The following ANGEL2 variants were observed in gnomAD, a reference collection of about 807,000 sequenced individuals.
ANGEL2 encodes RNA 2',3'-cyclic phosphatase ANGEL2.
A neutral mutation model predicts 66.0 loss-of-function variants in ANGEL2; 41 were observed. That is an observed-to-expected ratio of 0.62 (90% CI 0.48 to 0.81). ANGEL2 has a LOEUF of 0.81. ANGEL2 is among the 30% of genes least tolerant of loss of function. The probability of loss-of-function intolerance (pLI) is 0.00; values close to 1 mark genes in which losing one functional copy is unlikely to be tolerated. For synonymous variants in ANGEL2, 208 were observed against 226.5 expected, an observed-to-expected ratio of 0.92 and a Z score of 0.73; for missense variants, 561 against 641.6, an observed-to-expected ratio of 0.87 and a Z score of 1.36.
chr1:213,006,829 G>T, intron 4 of ANGEL2: 1 of 318,224 alleles, frequency 3.1e-6, no homozygotes, highest in Non-Finnish European at 5.7e-6. Flanking sequence ...AAGATTTTTA[G>T]CCAAAATATG....
At chr1:212,996,103 C>G (rs919403068) in intron 8 of ANGEL2, among the ~76,000 whole-genome samples, 8 of 151,876 alleles carry the variant, frequency 5.3e-5, no homozygotes, top group Non-Finnish European at 1.0e-4. Context: ...GTCAGGAGAT[C>G]GAGACCATCC....
In ANGEL2 at chr1:212,997,283, G is replaced by C. The variant is rs1457513050; in HGVS notation, c.1355C>G (p.Ser452Ter). The part of the protein sequence containing the change: ...SSNLQHHFSL[S>*]SVYSHYFPDT... Reference sequence around the variant, plus strand: ...AGGAAAGTAATGTGAATAAACAGATGACAAACTGAAATGGTGCTGTAAATT... The same window carrying C: ...AGGAAAGTAATGTGAATAAACAGATCACAAACTGAAATGGTGCTGTAAATT... The change falls in exon 8 of 9, where the codon TCA becomes TGA. Residue 452 changes from serine to a stop codon, truncating the protein, a stop_gained. Coordinates refer to ENST00000366962, the MANE Select transcript of ANGEL2 (RefSeq NM_144567.5). LOFTEE classifies it high-confidence loss of function. The C allele has an allele frequency of 6.2e-7, 1 of 1,611,496 alleles. No individual in the cohort carries two copies. The highest frequency in any genetic ancestry group is 8.5e-7 in the Non-Finnish European group (1 of 1,178,056).
chr1:213,015,264 G>C (rs750771638), intron 1 of ANGEL2: 2 of 1,106,590 alleles, frequency 1.8e-6, no homozygotes, highest in East Asian at 1.0e-4. Flanking sequence ...TCGGTTCCCG[G>C]GACGGTGCTG....
intron 6 of ANGEL2, 180 bp downstream of exon 6, chr1:213,000,606 T>G: frequency 1.3e-6 from 1 of 766,046 alleles, no homozygotes; most frequent in Non-Finnish European, 1.9e-6. Context: ...CACAGATAAT[T>G]CTGGAAGTTC....
chr1:212,996,622 C>CAAAAAAAAAA (rs1558167053), intron 8 of ANGEL2, among the ~76,000 whole-genome samples: 1 of 22,706 alleles, frequency 4.4e-5, no homozygotes, highest in African/African-American at 1.3e-4. Context: ...GACTCTGTAT[C>CAAAAAAAAAA]CAAAAAAAAA....
chr1:212,995,737 A>C (rs2075975573), intron 8 of ANGEL2, among the ~76,000 whole-genome samples: 1 of 152,224 alleles, frequency 6.6e-6, no homozygotes, highest in Admixed American at 6.5e-5. Flanking sequence ...AGCAGCAGGC[A>C]TATTTTTTGT....
chr1:213,004,865 CAAAAA>C (rs60445711), intron 5 of ANGEL2, among the ~76,000 whole-genome samples, 163 bp downstream of exon 5: 17 of 35,270 alleles, frequency 4.8e-4, no homozygotes, highest in African/African-American at 5.0e-4. Flanking sequence ...GAGACTGTCT[CAAAAA>C]AAAAAAAAAA....
intron 7 of ANGEL2, among the ~76,000 whole-genome samples, chr1:212,999,090 T>C (rs984847236): frequency 6.6e-6 from 1 of 151,670 alleles, no homozygotes; most frequent in African/African-American, 2.4e-5. Flanking sequence ...GCCAGACTGC[T>C]CTTGAACTCC....
At chr1:213,014,920 A>T (rs2076599772) in intron 1 of ANGEL2, among the ~76,000 whole-genome samples, 1 of 152,234 alleles carries the variant, frequency 6.6e-6, no homozygotes, top group Non-Finnish European at 1.5e-5. Flanking sequence ...GTAATTTCTA[A>T]ATACTTATGT....
At chr1:213,015,244 C>A in intron 1 of ANGEL2, 1 of 1,079,056 alleles carries the variant, frequency 9.3e-7, no homozygotes, top group Non-Finnish European at 1.1e-6. Flanking sequence ...GGCGGCCTCC[C>A]CGCCGACGCT....
At chr1:213,002,782 G>T (rs1017993393) in intron 5 of ANGEL2, among the ~76,000 whole-genome samples, 2 of 151,990 alleles carry the variant, frequency 1.3e-5, no homozygotes, top group Non-Finnish European at 2.9e-5. Flanking sequence ...TTAGCCCGGC[G>T]TGGAGGCATG....
At chr1:212,997,080 G>A in intron 8 of ANGEL2, 75 bp downstream of exon 8, 1 of 1,341,904 alleles carries the variant, frequency 7.5e-7, no homozygotes, top group Admixed American at 2.1e-5. Flanking sequence ...TGTTTAGAGA[G>A]CTTTCTTAAC....
intron 5 of ANGEL2, among the ~76,000 whole-genome samples, chr1:213,003,608 G>A (rs2076237674): frequency 6.6e-6 from 1 of 152,084 alleles, no homozygotes. Flanking sequence ...TTTTATATGG[G>A]TACAGTTCAT....
At position 212,997,158 on chromosome 1, in the gene ANGEL2, G is replaced by C; in HGVS notation, c.1480C>G (p.Pro494Ala). ...TAAGATTACATGCATTCCTTACCTGGGTGCCCAGCAACATCTTCCTTTTCT... is the reference window on the plus strand; with the variant it reads ...TAAGATTACATGCATTCCTTACCTGCGTGCCCAGCAACATCTTCCTTTTCT... Reference protein sequence around the residue: ...SAEKEDVAGHPGAEVALVGGL... With the variant: ...SAEKEDVAGHAGAEVALVGGL... Residue 494 changes from proline (P) to alanine (A), a missense_variant, in exon 8 of 9, where the codon CCA (proline) becomes GCA (alanine). Coordinates refer to ENST00000366962, the MANE Select transcript of ANGEL2 (RefSeq NM_144567.5). 6.2e-7 allele frequency: 1 copy of C among 1,611,792 alleles called. No individual in the cohort carries two copies. Among genetic ancestry groups the C allele is most frequent in the Non-Finnish European group, 8.5e-7 (1 of 1,178,314 alleles).
chr1:213,007,145 T>C lies in ANGEL2; in HGVS notation c.696A>G (p.Pro232=), dbSNP rs144078820. The change falls in exon 4 of 9, where the codon CCA becomes CCG. Residue 232 remains proline (P), a synonymous_variant. Transcript: ENST00000366962. ...GCATTGTACCCAGTGATTCCAAACT[T>C]GGCCTGATCTCTGCTCCATAATGAT... ...QEDHYGAEIR[P]SLESLGYHCE... 3 of 1,608,848 alleles carry C rather than the reference T, an allele frequency of 1.9e-6. No homozygotes were observed. Among genetic ancestry groups the C allele is most frequent in the African/African-American group, 1.3e-5 (1 of 74,410 alleles).
rs1432365117 is a variant in ANGEL2, at chr1:213,015,632, A to C, written c.40T>G (p.Cys14Gly). The C allele has an allele frequency of 9.9e-6, 16 of 1,612,474 alleles. No individual in the cohort carries two copies. In the East Asian group the frequency reaches 3.6e-4, roughly 36 times the overall value. ...ACTGACCGGCCTCTTCCCACCACAC[A>C]GTGGCCGTAGCCCTTCCTCACACAG... ...WRCVRKGYGH[C>G]VVGRGRYPMF... Residue 14 changes from cysteine (C) to glycine (G), a missense_variant, in exon 1 of 9, where the codon TGT becomes GGT. Coordinates refer to ENST00000366962, the MANE Select transcript of ANGEL2 (RefSeq NM_144567.5).
At chr1:213,008,734 AAAGCT>A (rs939639364) in intron 2 of ANGEL2, among the ~76,000 whole-genome samples, 13 of 152,376 alleles carry the variant, frequency 8.5e-5, no homozygotes, top group African/African-American at 2.9e-4. Context: ...ATGTGTTAAC[AAAGCT>A]AAGACTATAC....
chr1:212,996,279 C>T (rs1193183290), intron 8 of ANGEL2, among the ~76,000 whole-genome samples: 1 of 152,056 alleles, frequency 6.6e-6, no homozygotes, highest in Non-Finnish European at 1.5e-5. Flanking sequence ...TGCACTCCAG[C>T]CTGGGCGACG....
Position 213,013,362 on chromosome 1 carries a change from C to T in ANGEL2, c.116G>A (p.Trp39Ter). The T allele has an allele frequency of 6.2e-7, 1 of 1,614,136 alleles. No individual in the cohort carries two copies. Among genetic ancestry groups the T allele is most frequent in the Non-Finnish European group, 8.5e-7 (1 of 1,180,000 alleles). The change falls in exon 2 of 9, where the codon TGG (tryptophan) becomes TAG (stop). Residue 39 changes from tryptophan (W) to a stop codon, truncating the protein, a stop_gained. Coordinates refer to ENST00000366962, the MANE Select transcript of ANGEL2 (RefSeq NM_144567.5). LOFTEE classifies it high-confidence loss of function. ...CCAGCAACACCTTTGCAGATTCTCC[C>T]ACGGTGTAGTCCAGTCTCTGCCCAG... ...RSLGRDWTTPWENLQRCCWNR... is the reference protein window; with the variant it reads ...RSLGRDWTTP
Sources: allele counts gnomAD v4.1 joint callset (sites outside exome capture counted in the v4.1 genomes callset), GRCh38; gene constraint gnomAD v4.1.1; transcripts MANE v1.5; gene names NCBI Gene and HGNC (gene_info 2026-07-23, HGNC 2026-07-21).